Variants in LYPLA1 observed in about 807,000 individuals in gnomAD.
The protein encoded by LYPLA1 is acyl-protein thioesterase 1.
A neutral mutation model predicts 34.0 loss-of-function variants in LYPLA1; 17 were observed. The observed-to-expected ratio is 0.50, with a 90% CI of 0.34 to 0.75. The LOEUF is 0.75. Ranked by LOEUF, LYPLA1 falls within the 30% of genes least tolerant of loss-of-function variation. The probability of loss-of-function intolerance (pLI) is 0.01; values close to 1 mark genes in which losing one functional copy is unlikely to be tolerated. For missense variants in LYPLA1, 203 were observed against 288.8 expected, an observed-to-expected ratio of 0.70 and a Z score of 2.15; for synonymous variants, 98 against 100.8, an observed-to-expected ratio of 0.97 and a Z score of 0.17.
Position 54,101,855 on chromosome 8 carries a change from G to A in LYPLA1, c.-32C>T, listed in dbSNP as rs747297275. 4.8e-5 allele frequency: 59 copies of A among 1,225,138 alleles called. No individual in the cohort carries two copies. Among genetic ancestry groups the A allele is most frequent in the South Asian group, 2.2e-4 (6 of 26,942 alleles). 75.9% of individuals were successfully genotyped at this position (1,225,138 alleles called of 1,614,324 possible). Reference sequence around the variant, plus strand: ...CCTCAGCTCACAGCGCAAGCGGAAGGAAGAGCGGGCGCCCGGCCGCGGCCC... The same window carrying A: ...CCTCAGCTCACAGCGCAAGCGGAAGAAAGAGCGGGCGCCCGGCCGCGGCCC... On this transcript the variant is annotated 5_prime_UTR_variant, in exon 1 of 9. Transcript: ENST00000316963.
At chr8:54,090,432 T>C (rs1421293714) in intron 2 of LYPLA1, among the ~76,000 whole-genome samples, 1 of 152,238 alleles carries the variant, frequency 6.6e-6, no homozygotes, top group African/African-American at 2.4e-5. Flanking sequence ...CACACTATAT[T>C]GTAAATTCTT....
intron 4 of LYPLA1, among the ~76,000 whole-genome samples, chr8:54,062,527 T>TTTA (rs1403405310): frequency 1.1e-4 from 12 of 110,622 alleles, no homozygotes; most frequent in African/African-American, 4.2e-4. Flanking sequence ...TTATTTATTT[T>TTTA]TTGAGACGAA....
intron 2 of LYPLA1, among the ~76,000 whole-genome samples, chr8:54,077,810 G>A (rs1215412703): frequency 6.6e-6 from 1 of 152,082 alleles, no homozygotes; most frequent in Non-Finnish European, 1.5e-5. Context: ...AGCAATAGAA[G>A]TCAGAATAAT....
rs749105385 is a variant in LYPLA1, at chr8:54,062,364, C to A, written c.216-40G>T. ...AAAATCTTTTGATTCTAAGAAAAATCTATTATTGTAGTAAGTATATTTTAC... is the reference window on the plus strand; with the variant it reads ...AAAATCTTTTGATTCTAAGAAAAATATATTATTGTAGTAAGTATATTTTAC... On this transcript the variant is annotated intron_variant, in intron 4 of 8. Transcript: ENST00000316963. 32 of 1,333,720 alleles carry A rather than the reference C, an allele frequency of 2.4e-5. 1 individual carries two copies. In the South Asian group the frequency reaches 3.8e-4, roughly 16 times the overall value. 82.6% of individuals were successfully genotyped at this position (1,333,720 alleles called of 1,614,324 possible).
At chr8:54,092,848 A>C (rs1809408159) in intron 2 of LYPLA1, among the ~76,000 whole-genome samples, 1 of 152,160 alleles carries the variant, frequency 6.6e-6, no homozygotes, top group African/African-American at 2.4e-5. Context: ...AAACAAAATC[A>C]GGACCTGTGT....
chr8:54,076,955 G>A (rs1479089842), intron 2 of LYPLA1, among the ~76,000 whole-genome samples: 1 of 152,110 alleles, frequency 6.6e-6, no homozygotes, highest in African/African-American at 2.4e-5. Context: ...CTGTGTGTGT[G>A]TCTTTAATTC....
intron 2 of LYPLA1, among the ~76,000 whole-genome samples, chr8:54,074,679 T>C (rs1270629013): frequency 6.6e-6 from 1 of 152,244 alleles, no homozygotes; most frequent in Non-Finnish European, 1.5e-5. Context: ...CTAAAGCTAT[T>C]ATCCAGCGAT....
intron 2 of LYPLA1, among the ~76,000 whole-genome samples, chr8:54,082,750 G>A (rs570305401): frequency 9.9e-5 from 15 of 151,960 alleles, no homozygotes; most frequent in South Asian, 6.2e-4. Context: ...TTTCTGAGAC[G>A]GAGTCTCGCT....
At chr8:54,098,177 T>C (rs6983694) in intron 2 of LYPLA1, among the ~76,000 whole-genome samples, 50,586 of 151,672 alleles carry the variant, frequency 0.33, 11,297 homozygotes, top group East Asian at 0.74. Flanking sequence ...GAGCCATGAT[T>C]GTGTCACTGC....
intron 5 of LYPLA1, among the ~76,000 whole-genome samples, chr8:54,062,045 T>C (rs1444128597): frequency 5.3e-5 from 8 of 151,964 alleles, no homozygotes; most frequent in Non-Finnish European, 7.4e-5. Context: ...TCAGTAGAGA[T>C]GGGGTTTCAC....
chr8:54,099,903 C>T (rs962671276), intron 2 of LYPLA1, among the ~76,000 whole-genome samples: 2 of 151,922 alleles, frequency 1.3e-5, no homozygotes, highest in African/African-American at 4.8e-5. Flanking sequence ...AAGCTGGTGT[C>T]GAACTCTTGA....
intron 2 of LYPLA1, among the ~76,000 whole-genome samples, chr8:54,090,635 G>A (rs371114228): frequency 1.1e-4 from 16 of 152,114 alleles, no homozygotes; most frequent in South Asian, 4.1e-4. Context: ...TGTTGGCACC[G>A]CGGGACCAGA....
chr8:54,101,641 A>C, intron 1 of LYPLA1, 114 bp downstream of exon 1: 1 of 1,144,694 alleles, frequency 8.7e-7, no homozygotes, highest in Non-Finnish European at 1.1e-6. Context: ...CCGGGCCGGG[A>C]GGAGCGTCCT....
chr8:54,074,000 T>C (rs1364433984), intron 2 of LYPLA1, among the ~76,000 whole-genome samples: 2 of 152,152 alleles, frequency 1.3e-5, no homozygotes, highest in South Asian at 2.1e-4. Context: ...AGCAGCCAGG[T>C]GTGGTGACTC....
At chr8:54,056,484 A>C (rs1389113515) in intron 5 of LYPLA1, among the ~76,000 whole-genome samples, 1 of 152,210 alleles carries the variant, frequency 6.6e-6, no homozygotes, top group African/African-American at 2.4e-5. Context: ...AGCAAAGGAT[A>C]CAATCAACAA....
At chr8:54,078,394 A>G (rs745989934) in intron 2 of LYPLA1, among the ~76,000 whole-genome samples, 2 of 152,250 alleles carry the variant, frequency 1.3e-5, no homozygotes, top group Non-Finnish European at 2.9e-5. Context: ...ATAGTTGCAA[A>G]GCAAAGCAAC....
chr8:54,080,967 TCTA>T (rs1808272575), intron 2 of LYPLA1, among the ~76,000 whole-genome samples: 1 of 152,234 alleles, frequency 6.6e-6, no homozygotes, highest in South Asian at 2.1e-4. Flanking sequence ...ACCAAAGAAC[TCTA>T]TACCACTGGC....
chr8:54,044,491 G>A (rs1805434253), downstream of LYPLA1, among the ~76,000 whole-genome samples: 2 of 152,220 alleles, frequency 1.3e-5, no homozygotes, highest in South Asian at 4.1e-4. Context: ...CAAACTCCTG[G>A]TGAAAAAGTT....
intron 2 of LYPLA1, among the ~76,000 whole-genome samples, chr8:54,084,309 G>A (rs1053460525): frequency 2.6e-5 from 4 of 151,892 alleles, no homozygotes; most frequent in East Asian, 3.9e-4. Flanking sequence ...GGTGGCTCAC[G>A]CCTGTATTCC....
Sources: gnomAD v4.1 joint callset for allele counts (sites outside exome capture counted in the v4.1 genomes callset) on GRCh38, gnomAD v4.1.1 for gene constraint, MANE v1.5 for transcripts, NCBI Gene and HGNC (gene_info 2026-07-23, HGNC 2026-07-21) for gene names.